LRMDA: variants seen among roughly 807,000 people sequenced by gnomAD.
LRMDA encodes leucine-rich melanocyte differentiation-associated protein.
In LRMDA, 18 loss-of-function variants were observed where a neutral mutation model predicts 29.8. That is an observed-to-expected ratio of 0.60 (90% CI 0.42 to 0.90). The LOEUF (loss-of-function observed/expected upper bound fraction) is 0.90, where lower values mean the gene tolerates loss of function less well. Among genes scored for constraint, LRMDA ranks in the 40% least tolerant of loss-of-function variants. The pLI is 0.00. For synonymous variants in LRMDA, 125 were observed against 109.4 expected, an observed-to-expected ratio of 1.14 and a Z score of -0.89; for missense variants, 273 against 273.9, an observed-to-expected ratio of 1.00 and a Z score of 0.02.
intron 2 of LRMDA, among the ~76,000 whole-genome samples, chr10:75,813,232 C>T (rs1374191273): frequency 3.3e-5 from 5 of 152,204 alleles, no homozygotes; most frequent in African/African-American, 1.2e-4. Flanking sequence ...TGCAGTGGAG[C>T]TGCTGGTGGC....
At chr10:76,211,525 G>A (rs185993493) in intron 5 of LRMDA, among the ~76,000 whole-genome samples, 1 of 152,332 alleles carries the variant, frequency 6.6e-6, no homozygotes, top group East Asian at 1.9e-4. Flanking sequence ...TAGCCAGAGA[G>A]AATTCAGTTG....
intron 2 of LRMDA, among the ~76,000 whole-genome samples, chr10:75,674,420 C>T (rs1265399960): frequency 6.6e-6 from 1 of 152,078 alleles, no homozygotes; most frequent in Admixed American, 6.5e-5. Context: ...TATATCTCAT[C>T]CAGGTTTCTT....
At chr10:76,102,130 A>G (rs1340103188) in intron 5 of LRMDA, among the ~76,000 whole-genome samples, 1 of 152,046 alleles carries the variant, frequency 6.6e-6, no homozygotes, top group African/African-American at 2.4e-5. Flanking sequence ...ACTGAATAAT[A>G]CTCCTTTGTA....
At chr10:75,680,815 G>A (rs1406773250) in intron 2 of LRMDA, among the ~76,000 whole-genome samples, 3 of 152,108 alleles carry the variant, frequency 2.0e-5, no homozygotes, top group Non-Finnish European at 4.4e-5. Context: ...TCTGAGACCA[G>A]CCTGGGCAGC....
intron 6 of LRMDA, among the ~76,000 whole-genome samples, chr10:76,389,308 G>T (rs1445954596): frequency 6.6e-6 from 1 of 152,082 alleles, no homozygotes; most frequent in East Asian, 1.9e-4. Flanking sequence ...TGAGGCTGGA[G>T]AGATTGACAG....
chr10:76,268,672 C>A (rs1278027183), intron 5 of LRMDA, among the ~76,000 whole-genome samples: 1 of 152,192 alleles, frequency 6.6e-6, no homozygotes, highest in African/African-American at 2.4e-5. Flanking sequence ...CCCTTCAGAA[C>A]CTTGAGAATG....
intron 2 of LRMDA, among the ~76,000 whole-genome samples, chr10:75,476,993 C>G (rs1026173987): frequency 1.3e-5 from 2 of 151,522 alleles, no homozygotes; most frequent in African/African-American, 2.4e-5. Flanking sequence ...TTTTCTCTCT[C>G]TCTTTTTTTT....
chr10:76,450,174 G>A lies in LRMDA; in HGVS notation c.602-107035G>A, dbSNP rs371289627. Among the ~76,000 whole-genome samples the A allele has an allele frequency of 6.6e-5, 10 of 152,116 alleles. No individual in the cohort carries two copies. The East Asian group carries it at 1.7e-3, about 26-fold the overall frequency. On this transcript the variant is annotated intron_variant, in intron 6 of 6. Transcript: ENST00000611255. ...TTTATGATTTTAAGCTTAGTAAAAT[G>A]TCTTCCTGCAACCTTTTTACATGAA... is the stretch of plus-strand genomic sequence containing the variant.
At chr10:75,559,692 C>T (rs947788408) in intron 2 of LRMDA, among the ~76,000 whole-genome samples, 1 of 150,052 alleles carries the variant, frequency 6.7e-6, no homozygotes, top group Non-Finnish European at 1.5e-5. Context: ...TTTAATCCAT[C>T]TTAAATTAAT....
rs183029265 is a variant in LRMDA at position 76,233,237 on chromosome 10, T to A, written c.517-91164T>A. On this transcript the variant is annotated intron_variant, in intron 5 of 6. Transcript: ENST00000611255. The stretch of plus-strand genomic sequence containing the variant: ...TAACATGAATGTTTGGTTTTCCCAG[T>A]GTGTATAAAAGCTATACAATACTGT... 1.2e-4 allele frequency among the ~76,000 whole-genome samples: 18 copies of A among 152,378 alleles called. No individual in the cohort carries two copies. In the East Asian group the frequency reaches 3.1e-3, roughly 26 times the overall value.
intron 5 of LRMDA, among the ~76,000 whole-genome samples, chr10:76,279,860 G>T (rs2132332510): frequency 6.6e-6 from 1 of 152,290 alleles, no homozygotes; most frequent in South Asian, 2.1e-4. Flanking sequence ...CTATGAGGTA[G>T]TCCCATTTTA....
At chr10:75,940,625 T>C (rs1007381823) in intron 2 of LRMDA, among the ~76,000 whole-genome samples, 1 of 152,162 alleles carries the variant, frequency 6.6e-6, no homozygotes, top group African/African-American at 2.4e-5. Context: ...CGCCACTCCT[T>C]GCCTGTGAGT....
At chr10:75,432,196 A>C (rs535951729) in intron 1 of LRMDA, among the ~76,000 whole-genome samples, 2 of 152,348 alleles carry the variant, frequency 1.3e-5, no homozygotes, top group Non-Finnish European at 2.9e-5. Flanking sequence ...AAATTTACTT[A>C]TTTGTAAATG....
At chr10:76,007,031 T>TGTGCGCGCGC (rs1230411095) in intron 2 of LRMDA, among the ~76,000 whole-genome samples, 1 of 26,906 alleles carries the variant, frequency 3.7e-5, no homozygotes, top group African/African-American at 1.0e-4. Context: ...TGTGTGTGTG[T>TGTGCGCGCGC]GCGCGTGTGT....
intron 2 of LRMDA, among the ~76,000 whole-genome samples, chr10:75,453,891 G>A (rs1304481602): frequency 6.6e-6 from 1 of 152,178 alleles, no homozygotes; most frequent in Admixed American, 6.5e-5. Flanking sequence ...CAAGAGAAAA[G>A]CATAGCAAAT....
At chr10:75,943,187 T>TGAG (rs1846424235) in intron 2 of LRMDA, among the ~76,000 whole-genome samples, 1 of 150,168 alleles carries the variant, frequency 6.7e-6, no homozygotes, top group Non-Finnish European at 1.5e-5. Flanking sequence ...AAAAGGACTA[T>TGAG]GAGATAGAAT....
chr10:75,562,583 T>C (rs2132063427), intron 2 of LRMDA, among the ~76,000 whole-genome samples: 1 of 152,256 alleles, frequency 6.6e-6, no homozygotes, highest in Non-Finnish European at 1.5e-5. Flanking sequence ...TGATGTTAGC[T>C]GGTTATTTTG....
intron 5 of LRMDA, among the ~76,000 whole-genome samples, chr10:76,257,553 C>T (rs1024458734): frequency 1.4e-4 from 21 of 152,042 alleles, no homozygotes; most frequent in African/African-American, 3.9e-4. Context: ...AGGCTGGTCT[C>T]GAACTCCTGA....
chr10:76,245,476 C>T (rs1346927076), intron 5 of LRMDA, among the ~76,000 whole-genome samples: 1 of 152,134 alleles, frequency 6.6e-6, no homozygotes, highest in Non-Finnish European at 1.5e-5. Flanking sequence ...TGTCTCCGAG[C>T]ACATTCTGAT....
Sources: allele counts gnomAD v4.1 joint callset (sites outside exome capture counted in the v4.1 genomes callset), GRCh38; gene constraint gnomAD v4.1.1; transcripts MANE v1.5; gene names NCBI Gene and HGNC (gene_info 2026-07-23, HGNC 2026-07-21).